SLCO1B1: variants seen among roughly 807,000 people sequenced by gnomAD.
SLCO1B1 encodes OATP-2.
In SLCO1B1, 81 loss-of-function variants were observed where a neutral mutation model predicts 70.1. The ratio of observed to expected loss-of-function variants is 1.16; its 90% CI spans 0.97 to 1.39. The LOEUF (loss-of-function observed/expected upper bound fraction) is 1.39, where lower values mean the gene tolerates loss of function less well. SLCO1B1 is among the 40% of genes most tolerant of loss of function. The pLI is 0.00. For missense variants in SLCO1B1, 895 were observed against 799.6 expected, an observed-to-expected ratio of 1.12 and a Z score of -1.44; for synonymous variants, 283 against 271.5, an observed-to-expected ratio of 1.04 and a Z score of -0.42.
At chr12:21,209,277 C>G (rs959479106) in intron 11 of SLCO1B1, among the ~76,000 whole-genome samples, 8 of 151,240 alleles carry the variant, frequency 5.3e-5, no homozygotes, top group African/African-American at 7.3e-5. Flanking sequence ...TCTCATTGTT[C>G]AATTCCCACC....
At chr12:21,132,702 G>C (rs549517481) in intron 1 of SLCO1B1, among the ~76,000 whole-genome samples, 1 of 149,422 alleles carries the variant, frequency 6.7e-6, no homozygotes, top group Non-Finnish European at 1.5e-5. Context: ...TTGTAAATTT[G>C]TTTGAGTTCA....
chr12:21,134,355 G>A (rs568648684), intron 1 of SLCO1B1, among the ~76,000 whole-genome samples: 1 of 152,174 alleles, frequency 6.6e-6, no homozygotes, highest in Admixed American at 6.5e-5. Context: ...CATAAAATGA[G>A]TTAGGGAGGA....
chr12:21,152,386 C>T (rs1940482511), intron 2 of SLCO1B1, among the ~76,000 whole-genome samples: 1 of 151,656 alleles, frequency 6.6e-6, no homozygotes, highest in Non-Finnish European at 1.5e-5. Context: ...CTGATTCTTG[C>T]TCTGTCTCTT....
At position 21,217,255 on chromosome 12, in the gene SLCO1B1, T is replaced by G. The variant is rs1193397714; in HGVS notation, c.1634T>G (p.Leu545Ter). ...TTTGTTGCAATACAAGTCTTGAATT[T>G]ATTTTTCTCTGCACTTGGAGGCACC... ...YFFVAIQVLN[L>*]FFSALGGTSH... The change falls in exon 12 of 15, where the codon TTA becomes TGA. Residue 545 changes from leucine (L) to a stop codon, truncating the protein, a stop_gained. Transcript: ENST00000256958. LOFTEE classifies it high-confidence loss of function. The G allele has an allele frequency of 6.2e-7, 1 of 1,613,838 alleles. No individual in the cohort carries two copies. The highest frequency in any genetic ancestry group is 2.2e-5 in the East Asian group (1 of 44,820).
intron 11 of SLCO1B1, among the ~76,000 whole-genome samples, chr12:21,206,589 C>T (rs539364588): frequency 6.6e-6 from 1 of 151,838 alleles, no homozygotes; most frequent in Non-Finnish European, 1.5e-5. Context: ...TTTTCCAAAG[C>T]TGGCACTTCT....
intron 7 of SLCO1B1, among the ~76,000 whole-genome samples, chr12:21,196,465 C>T (rs1041965480): frequency 1.1e-4 from 16 of 152,118 alleles, no homozygotes; most frequent in African/African-American, 3.9e-4. Context: ...TCTGTGCTGT[C>T]AGGAGAGTTG....
At chr12:21,231,734 A>G (rs1217349748) in intron 14 of SLCO1B1, among the ~76,000 whole-genome samples, 6 of 152,074 alleles carry the variant, frequency 3.9e-5, no homozygotes, top group African/African-American at 7.2e-5. Context: ...ATGTGTATGT[A>G]TATATACACA....
chr12:21,216,634 A>C (rs200571855), intron 11 of SLCO1B1, among the ~76,000 whole-genome samples: 2 of 151,910 alleles, frequency 1.3e-5, no homozygotes, highest in East Asian at 3.9e-4. Flanking sequence ...ACCTGTCTCT[A>C]TTTTTCCTGG....
chr12:21,211,424 G>A (rs1234071753), intron 11 of SLCO1B1, among the ~76,000 whole-genome samples: 1 of 152,278 alleles, frequency 6.6e-6, no homozygotes, highest in Admixed American at 6.5e-5. Context: ...CTTGATCATG[G>A]TGGATAAGCT....
chr12:21,196,253 C>CT lies in SLCO1B1; in HGVS notation c.728-686dup, dbSNP rs147804573. 2.0e-5 allele frequency among the ~76,000 whole-genome samples: 3 copies of CT among 151,948 alleles called. No homozygotes were observed. The South Asian group carries it at 6.2e-4, about 32-fold the overall frequency. On this transcript the variant is annotated intron_variant, in intron 7 of 14. Transcript: ENST00000256958. Reference sequence around the variant, plus strand: ...CTATCTTGCTGATAACTCATATTGGCTTTTTTTATTACTTAGATTGTTTAT... The same window carrying CT: ...CTATCTTGCTGATAACTCATATTGGCTTTTTTTTATTACTTAGATTGTTTAT...
rs778642823 is a variant in SLCO1B1 at position 21,197,093 on chromosome 12, C to T, written c.875C>T (p.Ala292Val). Residue 292 changes from alanine to valine, a missense_variant, in exon 8 of 15, where the codon GCT (alanine) becomes GTT (valine). Ala to Val is a moderately conservative substitution (Grantham distance 64, BLOSUM62 0). Transcript: ENST00000256958. ...AATAAACCACAAAAAGAAAGAAAAG[C>T]TTCACTGTCTTTGCATGTGCTGGAA... The part of the protein sequence containing the change: ...TPNKPQKERK[A>V]SLSLHVLETN... 7 of 1,613,482 alleles carry T rather than the reference C, an allele frequency of 4.3e-6. No individual in the cohort carries two copies. Among genetic ancestry groups the T allele is most frequent in the East Asian group, 4.5e-5 (2 of 44,832 alleles).
chr12:21,165,230 T>C (rs1436282028), intron 2 of SLCO1B1, among the ~76,000 whole-genome samples: 1 of 152,194 alleles, frequency 6.6e-6, no homozygotes, highest in Non-Finnish European at 1.5e-5. Context: ...CAGTTGTCTC[T>C]TTCTGCCAAT....
At chr12:21,230,140 T>C (rs115913130) in intron 14 of SLCO1B1, among the ~76,000 whole-genome samples, 3,022 of 152,210 alleles carry the variant, frequency 0.02, 99 homozygotes, top group African/African-American at 0.069. Context: ...TTATTATTCT[T>C]CTTTAGCCTG....
intron 14 of SLCO1B1, among the ~76,000 whole-genome samples, chr12:21,225,669 G>C (rs1419019818): frequency 1.3e-5 from 2 of 152,152 alleles, no homozygotes; most frequent in Non-Finnish European, 2.9e-5. Context: ...TTTGCAACTT[G>C]TAACACAGAC....
intron 7 of SLCO1B1, among the ~76,000 whole-genome samples, chr12:21,192,894 GA>G (rs1941046514): frequency 1.3e-5 from 2 of 151,868 alleles, no homozygotes; most frequent in African/African-American, 4.8e-5. Context: ...TCACATTTTA[GA>G]ATGTTTTGTT....
intron 7 of SLCO1B1, among the ~76,000 whole-genome samples, chr12:21,190,274 C>T (rs910596793): frequency 2.0e-5 from 3 of 152,212 alleles, no homozygotes; most frequent in African/African-American, 7.2e-5. Context: ...GTTAATTACA[C>T]ACAGATTGTG....
At chr12:21,221,806 A>AG (rs1323812039) in intron 12 of SLCO1B1, among the ~76,000 whole-genome samples, 3 of 152,172 alleles carry the variant, frequency 2.0e-5, no homozygotes, top group Non-Finnish European at 2.9e-5. Flanking sequence ...TATACTGTTG[A>AG]GAATATAAAT....
Position 21,202,515 on chromosome 12 carries a change from C to T in SLCO1B1, c.1160C>T (p.Ala387Val), listed in dbSNP as rs1407230146. The change falls in exon 10 of 15, where the codon GCA becomes GTA. Residue 387 changes from alanine to valine, a missense_variant. Transcript: ENST00000256958. The stretch of plus-strand genomic sequence containing the variant: ...GGAGTCATAACCATACCTATTTTTG[C>T]AAGTGGAATGTTTTTAGGAGGATAT... Reference protein sequence around the residue: ...LLGVITIPIFASGMFLGGYII... With the variant: ...LLGVITIPIFVSGMFLGGYII... The T allele has an allele frequency of 6.2e-7, 1 of 1,604,466 alleles. No homozygotes were observed. Among genetic ancestry groups the T allele is most frequent in the African/African-American group, 1.3e-5 (1 of 74,122 alleles).
At chr12:21,145,679 A>T (rs1940373664) in intron 2 of SLCO1B1, among the ~76,000 whole-genome samples, 1 of 151,804 alleles carries the variant, frequency 6.6e-6, no homozygotes, top group South Asian at 2.1e-4. Context: ...CATAAATGAA[A>T]ATTTGAGAAT....
Sources: gnomAD v4.1 joint callset for allele counts (sites outside exome capture counted in the v4.1 genomes callset) on GRCh38, gnomAD v4.1.1 for gene constraint, MANE v1.5 for transcripts, NCBI Gene and HGNC (gene_info 2026-07-23, HGNC 2026-07-21) for gene names.